The following PRTFDC1 variants were observed in gnomAD, a reference collection of about 807,000 sequenced individuals.
PRTFDC1 encodes phosphoribosyl transferase domain containing 1.
PRTFDC1 carries 38 observed loss-of-function variants against 34.6 expected under a neutral mutation model. The observed-to-expected ratio is 1.10, with a 90% confidence interval of 0.85 to 1.44. The LOEUF is 1.44. Among genes scored for constraint, PRTFDC1 ranks in the 40% most tolerant of loss-of-function variants. PRTFDC1 has a pLI of 0.00. For missense variants in PRTFDC1, 270 were observed against 283.0 expected, an observed-to-expected ratio of 0.95 and a Z score of 0.33; for synonymous variants, 93 against 98.1, an observed-to-expected ratio of 0.95 and a Z score of 0.31.
chr10:24,863,040 CTAATTTTTTTG>C, intron 4 of PRTFDC1, among the ~76,000 whole-genome samples: 1 of 151,722 alleles, frequency 6.6e-6, no homozygotes, highest in Admixed American at 6.6e-5. Context: ...GGATGCCCAG[CTAATTTTTTTG>C]TATTTTTAGT....
intron 3 of PRTFDC1, among the ~76,000 whole-genome samples, chr10:24,915,338 G>A (rs1848679629): frequency 6.6e-6 from 1 of 152,148 alleles, no homozygotes; most frequent in Non-Finnish European, 1.5e-5. Flanking sequence ...TTCCTTTAAT[G>A]TGCTTCCAAA....
chr10:24,886,002 A>C lies in PRTFDC1; in HGVS notation c.340-13939T>G, dbSNP rs1588591839. On this transcript the variant is annotated intron_variant, in intron 3 of 8. Coordinates refer to ENST00000320152, the MANE Select transcript of PRTFDC1 (RefSeq NM_020200.7). ...GGGGTTAGGTGGGAGGCAGGGAGAA[A>C]GAGGAAAAACACAGGATTTTCAGGG... is the stretch of plus-strand genomic sequence containing the variant. Among the ~76,000 whole-genome samples, 16 of 152,320 alleles carry C rather than the reference A, an allele frequency of 1.1e-4. 1 individual carries two copies. The South Asian group carries it at 3.3e-3, about 32-fold the overall frequency.
chr10:24,858,349 ATTCT>A, intron 5 of PRTFDC1, 39 bp downstream of exon 5: 1 of 1,596,372 alleles, frequency 6.3e-7, no homozygotes, highest in South Asian at 1.1e-5. Context: ...TCACCATTAG[ATTCT>A]TTCAACCTCC....
At chr10:24,869,980 G>T (rs569225829) in intron 4 of PRTFDC1, among the ~76,000 whole-genome samples, 9 of 152,302 alleles carry the variant, frequency 5.9e-5, no homozygotes, top group African/African-American at 1.9e-4. Context: ...TATGGACCAG[G>T]TATGGTCTCT....
chr10:24,915,769 C>G (rs1246497608), intron 3 of PRTFDC1, among the ~76,000 whole-genome samples: 2 of 152,228 alleles, frequency 1.3e-5, no homozygotes, highest in East Asian at 3.8e-4. Flanking sequence ...GACTGCTTTA[C>G]TAGTTTCTTC....
At chr10:24,861,495 AT>A (rs1316967737) in intron 4 of PRTFDC1, among the ~76,000 whole-genome samples, 2 of 149,348 alleles carry the variant, frequency 1.3e-5, no homozygotes, top group Non-Finnish European at 3.0e-5. Flanking sequence ...GTAAGACTCT[AT>A]CTCAAAACAA....
intron 3 of PRTFDC1, chr10:24,908,257 T>C (rs535751998): frequency 1.5e-5 from 7 of 474,320 alleles, no homozygotes; most frequent in African/African-American, 1.3e-4. Flanking sequence ...GAACATGTCA[T>C]GCCCTCTGTC....
chr10:24,937,555 C>CTTTTT (rs35562409), intron 2 of PRTFDC1, among the ~76,000 whole-genome samples, 188 bp from the exon 3 acceptor site: 1 of 139,000 alleles, frequency 7.2e-6, no homozygotes. Flanking sequence ...AAACATACTG[C>CTTTTT]TTTTTTTTTT....
chr10:24,910,892 ATTT>A (rs554253291), intron 3 of PRTFDC1, among the ~76,000 whole-genome samples: 4 of 141,106 alleles, frequency 2.8e-5, no homozygotes, highest in Admixed American at 7.1e-5. Context: ...GAGTTAGGTA[ATTT>A]TTTTTTTTTT....
At chr10:24,894,552 A>G (rs60968336) in intron 3 of PRTFDC1, among the ~76,000 whole-genome samples, 2 of 152,204 alleles carry the variant, frequency 1.3e-5, no homozygotes, top group East Asian at 3.9e-4. Context: ...TTTCCACTTC[A>G]TGCAGCTCAG....
intron 4 of PRTFDC1, among the ~76,000 whole-genome samples, chr10:24,862,462 C>T (rs908651651): frequency 2.0e-5 from 3 of 152,038 alleles, no homozygotes; most frequent in Admixed American, 6.6e-5. Context: ...GCAACCTCTG[C>T]CTCTTGGGTT....
intron 3 of PRTFDC1, among the ~76,000 whole-genome samples, chr10:24,912,713 C>T (rs540947026): frequency 6.6e-6 from 1 of 152,082 alleles, no homozygotes; most frequent in African/African-American, 2.4e-5. Context: ...TCCTTAACAC[C>T]ACTCATTCTC....
chr10:24,942,231 C>A (rs944355970), intron 2 of PRTFDC1, 99 bp downstream of exon 2: 2 of 935,218 alleles, frequency 2.1e-6, no homozygotes, highest in African/African-American at 3.3e-5. Flanking sequence ...CACTATAAAA[C>A]GCAGCTCAGG....
intron 7 of PRTFDC1, among the ~76,000 whole-genome samples, chr10:24,852,182 G>T (rs1405561010): frequency 6.6e-6 from 1 of 151,500 alleles, no homozygotes; most frequent in African/African-American, 2.4e-5. Flanking sequence ...TTGTCAGAAA[G>T]GATTCTTTTT....
At position 24,853,506 on chromosome 10, in the gene PRTFDC1, G is replaced by C. The variant is rs1459583365; in HGVS notation, c.553+1812C>G. Among the ~76,000 whole-genome samples the C allele has an allele frequency of 3.9e-5, 6 of 152,188 alleles. No homozygotes were observed. The East Asian group carries it at 1.2e-3, about 29-fold the overall frequency. The stretch of plus-strand genomic sequence containing the variant: ...ACCTGTAGTCCCAGCTACTTGGGAG[G>C]CTGAGGCAGGAGAATCACTTGAACC... On this transcript the variant is annotated intron_variant, in intron 7 of 8. Coordinates refer to ENST00000320152, the MANE Select transcript of PRTFDC1 (RefSeq NM_020200.7).
chr10:24,855,410 A>G (rs1156263842), intron 6 of PRTFDC1, 46 bp from the exon 7 acceptor site: 2 of 1,595,360 alleles, frequency 1.3e-6, no homozygotes, highest in Non-Finnish European at 1.7e-6. Context: ...TCAAATCTCT[A>G]TGAATTGTAA....
intron 4 of PRTFDC1, among the ~76,000 whole-genome samples, chr10:24,866,060 G>C (rs1486786567): frequency 6.6e-6 from 1 of 152,036 alleles, no homozygotes; most frequent in Non-Finnish European, 1.5e-5. Context: ...CTTCACTCTG[G>C]CATTTAATTA....
At chr10:24,870,932 C>T (rs887217470) in intron 4 of PRTFDC1, among the ~76,000 whole-genome samples, 3 of 151,800 alleles carry the variant, frequency 2.0e-5, no homozygotes, top group African/African-American at 7.3e-5. Context: ...ATTACCCGGG[C>T]ATGGTGGCAG....
chr10:24,891,660 G>A (rs1445088419), intron 3 of PRTFDC1, among the ~76,000 whole-genome samples: 2 of 151,902 alleles, frequency 1.3e-5, no homozygotes, highest in Non-Finnish European at 2.9e-5. Flanking sequence ...CCAGCTACTC[G>A]GGAGGCTGAG....
Sources: allele counts gnomAD v4.1 joint callset (sites outside exome capture counted in the v4.1 genomes callset), GRCh38; gene constraint gnomAD v4.1.1; transcripts MANE v1.5; gene names NCBI Gene and HGNC (gene_info 2026-07-23, HGNC 2026-07-21).